TTC23L: variants seen among roughly 807,000 people sequenced by gnomAD.
The protein encoded by TTC23L is tetratricopeptide repeat domain 23 like.
A neutral mutation model predicts 48.1 loss-of-function variants in TTC23L; 42 were observed. The ratio of observed to expected loss-of-function variants is 0.87; its 90% CI spans 0.68 to 1.13. The LOEUF (loss-of-function observed/expected upper bound fraction) is 1.13. Among genes scored for constraint, TTC23L ranks in the 50% most tolerant of loss-of-function variants. TTC23L has a pLI of 0.00. For synonymous variants in TTC23L, 159 were observed against 157.2 expected (o/e 1.01, Z -0.09); for missense variants, 391 against 421.0 (o/e 0.93, Z 0.62).
the TTC23L span, chr5:34,920,825 A>T: frequency 1.3e-5 from 2 of 151,958 alleles, no homozygotes; most frequent in African/African-American, 2.4e-5. Context: ...AAGAAACAAA[A>T]GTTTTGTTTT....
intron 4 of TTC23L, among the ~76,000 whole-genome samples, chr5:34,857,488 C>G (rs142422852): frequency 6.6e-6 from 1 of 152,088 alleles, no homozygotes; most frequent in Non-Finnish European, 1.5e-5. Context: ...TGATAAAAAC[C>G]GGGTAATCTG....
chr5:34,903,776 A>G (rs745824588), downstream of TTC23L, among the ~76,000 whole-genome samples: 7 of 152,146 alleles, frequency 4.6e-5, no homozygotes, highest in Non-Finnish European at 8.8e-5. Context: ...CAAACACCTG[A>G]CATTTCTAAC....
chr5:34,911,400 T>C, the TTC23L span, among the ~76,000 whole-genome samples: 1 of 152,200 alleles, frequency 6.6e-6, no homozygotes, highest in Non-Finnish European at 1.5e-5. Context: ...TTAAGTTTCT[T>C]GATCCATAAA....
chr5:34,923,193 T>C, the TTC23L span: 2 of 1,614,034 alleles, frequency 1.2e-6, no homozygotes, highest in Admixed American at 3.3e-5. Flanking sequence ...CGTGTTTACT[T>C]TCACCATTTT....
At chr5:34,911,898 G>T in the TTC23L span, 1 of 1,464,062 alleles carries the variant, frequency 6.8e-7, no homozygotes, top group Admixed American at 2.1e-5. Context: ...AATTTCTCAA[G>T]AATAATTTAT....
At chr5:34,886,363 T>A (rs1160485841) in intron 9 of TTC23L, among the ~76,000 whole-genome samples, 8 of 123,366 alleles carry the variant, frequency 6.5e-5, no homozygotes, top group South Asian at 2.8e-4. Context: ...CAGGCTGATT[T>A]AAAAAAAAAA....
the TTC23L span, chr5:34,911,420 TAAGAGTAC>T: frequency 9.4e-7 from 1 of 1,058,612 alleles, no homozygotes; most frequent in Non-Finnish European, 1.4e-6. Flanking sequence ...AATTATGAGG[TAAGAGTAC>T]AAGCTGTCTA....
chr5:34,883,034 T>C, intron 9 of TTC23L: 1 of 152,752 alleles, frequency 6.5e-6, no homozygotes, highest in Non-Finnish European at 1.5e-5. Flanking sequence ...AGACCCTGTC[T>C]CAAAAAACAA....
At chr5:34,900,961 GTTGGTTT>G (rs1331461006), downstream of TTC23L, among the ~76,000 whole-genome samples, 1 of 152,200 alleles carries the variant, frequency 6.6e-6, no homozygotes, top group African/African-American at 2.4e-5. Context: ...ACGTACTCCA[GTTGGTTT>G]TATGTGGCTA....
At chr5:34,895,472 ATCTT>A (rs1048997624) in intron 9 of TTC23L, among the ~76,000 whole-genome samples, 8 of 152,236 alleles carry the variant, frequency 5.3e-5, no homozygotes, top group Non-Finnish European at 8.8e-5. Flanking sequence ...TATCAACTTT[ATCTT>A]TCTATCTGTC....
downstream of TTC23L, among the ~76,000 whole-genome samples, chr5:34,904,067 G>C (rs1490891154): frequency 6.6e-6 from 1 of 151,722 alleles, no homozygotes; most frequent in African/African-American, 2.4e-5. Context: ...CTGGGCTCAA[G>C]CAATCCTCCC....
At chr5:34,918,463 C>A in the TTC23L span, 2 of 1,592,772 alleles carry the variant, frequency 1.3e-6, no homozygotes, top group Non-Finnish European at 1.7e-6. Flanking sequence ...GTTGATGCCT[C>A]ATTCTAAAGC....
chr5:34,854,090 TAAGTC>T (rs1580431881), intron 4 of TTC23L, among the ~76,000 whole-genome samples: 1 of 152,210 alleles, frequency 6.6e-6, no homozygotes, highest in African/African-American at 2.4e-5. Context: ...GATTCCAAGT[TAAGTC>T]AAGATAAGTG....
chr5:34,873,543 T>A (rs1417840118), intron 8 of TTC23L, among the ~76,000 whole-genome samples: 5 of 151,924 alleles, frequency 3.3e-5, no homozygotes, highest in Non-Finnish European at 7.4e-5. Flanking sequence ...CTTAATATGA[T>A]GAAAGGGATA....
chr5:34,899,082 T>G (rs1246322827), intron 10 of TTC23L, among the ~76,000 whole-genome samples: 1 of 152,194 alleles, frequency 6.6e-6, no homozygotes, highest in African/African-American at 2.4e-5. Flanking sequence ...GTTTTCCACC[T>G]GGGATTTAAA....
At chr5:34,916,742 G>A in the TTC23L span, 2 of 152,256 alleles carry the variant, frequency 1.3e-5, no homozygotes, top group Admixed American at 1.3e-4. Context: ...ATAAGTAAAT[G>A]ACCCCGTGTG....
the TTC23L span, chr5:34,925,230 G>A: frequency 8.5e-6 from 13 of 1,531,064 alleles, no homozygotes; most frequent in South Asian, 2.5e-5. Context: ...TTTTAGCATC[G>A]GCGTGTCATA....
chr5:34,871,430 AT>A (rs1761459350), intron 8 of TTC23L, among the ~76,000 whole-genome samples: 1 of 152,216 alleles, frequency 6.6e-6, no homozygotes, highest in Non-Finnish European at 1.5e-5. Context: ...ATAAATACAC[AT>A]ACTATGTATG....
intron 9 of TTC23L, among the ~76,000 whole-genome samples, chr5:34,893,759 G>A (rs897084395): frequency 6.6e-6 from 1 of 151,872 alleles, no homozygotes; most frequent in African/African-American, 2.4e-5. Context: ...AACTGAAAAG[G>A]AGTCTCTGAA....
Sources: gnomAD v4.1 joint callset for allele counts (sites outside exome capture counted in the v4.1 genomes callset) on GRCh38, gnomAD v4.1.1 for gene constraint, MANE v1.5 for transcripts, NCBI Gene and HGNC (gene_info 2026-07-23, HGNC 2026-07-21) for gene names.